The following SH3GL2 variants were observed in gnomAD, a reference collection of about 807,000 sequenced individuals.
SH3GL2 encodes the protein SH3 domain containing GRB2 like 2, endophilin A1, also known as endophilin-A1.
Under a neutral mutation model 46.0 loss-of-function variants are expected in SH3GL2, and 24 were observed. That is an observed-to-expected ratio of 0.52 (90% CI 0.38 to 0.73). The LOEUF (loss-of-function observed/expected upper bound fraction) is 0.73. Ranked by LOEUF, SH3GL2 falls within the 30% of genes least tolerant of loss-of-function variation. The pLI, the probability that SH3GL2 is intolerant of heterozygous loss-of-function variation, is 0.00. For missense variants in SH3GL2, 413 were observed against 424.2 expected (o/e 0.97, Z 0.23); for synonymous variants, 196 against 147.1 (o/e 1.33, Z -2.40).
intron 1 of SH3GL2, among the ~76,000 whole-genome samples, chr9:17,634,524 A>C (rs1184139771): frequency 6.6e-6 from 1 of 151,920 alleles, no homozygotes; most frequent in Non-Finnish European, 1.5e-5. Flanking sequence ...ATAATACCTC[A>C]CTCATTGTCA....
chr9:17,687,086 G>C (rs1820934220), intron 1 of SH3GL2, among the ~76,000 whole-genome samples: 1 of 152,016 alleles, frequency 6.6e-6, no homozygotes, highest in South Asian at 2.1e-4. Flanking sequence ...AAATAAGCTG[G>C]TAATAGTAAG....
At chr9:17,709,733 CT>C (rs1821570040) in intron 1 of SH3GL2, among the ~76,000 whole-genome samples, 1 of 150,266 alleles carries the variant, frequency 6.7e-6, no homozygotes, top group Non-Finnish European at 1.5e-5. Flanking sequence ...TGTATTCTGT[CT>C]CCCCTGTTAC....
At chr9:17,596,756 A>G (rs1818578452) in intron 1 of SH3GL2, among the ~76,000 whole-genome samples, 1 of 152,240 alleles carries the variant, frequency 6.6e-6, no homozygotes, top group Non-Finnish European at 1.5e-5. Flanking sequence ...TATTCTTCTC[A>G]GCAACCCAAA....
chr9:17,696,955 G>A (rs1278138112), intron 1 of SH3GL2, among the ~76,000 whole-genome samples: 3 of 152,070 alleles, frequency 2.0e-5, no homozygotes, highest in African/African-American at 7.2e-5. Context: ...GACTGAACAT[G>A]CAGAAGCCTC....
intron 1 of SH3GL2, among the ~76,000 whole-genome samples, chr9:17,689,820 T>G (rs1228703611): frequency 6.6e-6 from 1 of 152,138 alleles, no homozygotes; most frequent in South Asian, 2.1e-4. Flanking sequence ...AAACTTGTGT[T>G]CTTTGTCTTC....
In SH3GL2 at chr9:17,775,308, C is replaced by G. The variant is rs553931709; in HGVS notation, c.188-11073C>G. ...GATGAAGGGGCAAGTGTATTTTTAGCTGTTGGTTGCCATTTCAACGAAATA... is the reference window on the plus strand; with the variant it reads ...GATGAAGGGGCAAGTGTATTTTTAGGTGTTGGTTGCCATTTCAACGAAATA... On this transcript the variant is annotated intron_variant, in intron 3 of 8. Coordinates refer to ENST00000380607, the MANE Select transcript of SH3GL2 (RefSeq NM_003026.5). Among the ~76,000 whole-genome samples the G allele has an allele frequency of 2.0e-5, 3 of 152,234 alleles. No homozygotes were observed. In the South Asian group the frequency reaches 6.2e-4, roughly 32 times the overall value.
rs1457959044 is a variant in SH3GL2 at position 17,787,384 on chromosome 9, A to G, written c.336A>G (p.Pro112=). 2 of 1,612,812 alleles carry G rather than the reference A, an allele frequency of 1.2e-6. No homozygotes were observed. The highest frequency in any genetic ancestry group is 1.7e-6 in the Non-Finnish European group (2 of 1,179,044). The part of the protein sequence containing the change: ...RELGDDCNFG[P]ALGEVGEAMR... ...AAGAGCTTTATTCTCTCCTAGGCCC[A>G]GCACTTGGTGAGGTCGGGGAGGCCA... The change falls in exon 5 of 9, where the codon CCA becomes CCG. Residue 112 remains proline, a synonymous_variant. Coordinates refer to ENST00000380607, the MANE Select transcript of SH3GL2 (RefSeq NM_003026.5).
At chr9:17,617,358 C>G (rs781064004) in intron 1 of SH3GL2, among the ~76,000 whole-genome samples, 2 of 152,162 alleles carry the variant, frequency 1.3e-5, no homozygotes, top group African/African-American at 4.8e-5. Flanking sequence ...AATTAGATCT[C>G]TATCATTGTT....
At chr9:17,645,632 GT>G (rs1819796787) in intron 1 of SH3GL2, among the ~76,000 whole-genome samples, 1 of 152,096 alleles carries the variant, frequency 6.6e-6, no homozygotes, top group African/African-American at 2.4e-5. Context: ...CATTTATGAA[GT>G]TTAGTTTGGC....
At chr9:17,688,692 C>T (rs949156370) in intron 1 of SH3GL2, among the ~76,000 whole-genome samples, 2 of 151,918 alleles carry the variant, frequency 1.3e-5, no homozygotes, top group African/African-American at 2.4e-5. Context: ...GGGAGTATGT[C>T]AAAGGGATAC....
chr9:17,679,603 A>G (rs1820712807), intron 1 of SH3GL2, among the ~76,000 whole-genome samples: 1 of 152,056 alleles, frequency 6.6e-6, no homozygotes, highest in Non-Finnish European at 1.5e-5. Context: ...CTCTTTTCCT[A>G]ATTGAATACC....
At chr9:17,776,678 T>TTTG (rs1243350820) in intron 3 of SH3GL2, among the ~76,000 whole-genome samples, 5 of 151,942 alleles carry the variant, frequency 3.3e-5, no homozygotes, top group Non-Finnish European at 7.4e-5. Flanking sequence ...CTTTTTTTTT[T>TTTG]TTTAAGCCAA....
At chr9:17,619,643 C>T (rs1186127458) in intron 1 of SH3GL2, among the ~76,000 whole-genome samples, 3 of 151,688 alleles carry the variant, frequency 2.0e-5, no homozygotes, top group African/African-American at 4.9e-5. Flanking sequence ...CACCATTGCG[C>T]TCTAGCCTGG....
At chr9:17,627,224 C>G (rs1002322605) in intron 1 of SH3GL2, among the ~76,000 whole-genome samples, 1 of 152,170 alleles carries the variant, frequency 6.6e-6, no homozygotes, top group Non-Finnish European at 1.5e-5. Context: ...ACCATCCTGT[C>G]CTGTTCCCTG....
chr9:17,673,229 G>A (rs995332363), intron 1 of SH3GL2, among the ~76,000 whole-genome samples: 2 of 151,858 alleles, frequency 1.3e-5, no homozygotes, highest in Non-Finnish European at 2.9e-5. Context: ...GCTCACTGCA[G>A]CCTTGACCTC....
intron 1 of SH3GL2, among the ~76,000 whole-genome samples, chr9:17,686,801 A>T (rs1393342325): frequency 2.2e-4 from 16 of 73,284 alleles, no homozygotes; most frequent in Non-Finnish European, 3.8e-4. Context: ...GGGTGGGGGG[A>T]GGGGGGAGGG....
chr9:17,771,436 C>A (rs1823477830), intron 3 of SH3GL2, among the ~76,000 whole-genome samples: 1 of 152,152 alleles, frequency 6.6e-6, no homozygotes, highest in Non-Finnish European at 1.5e-5. Flanking sequence ...AGATGCTAAC[C>A]CAGCAGTTCC....
intron 1 of SH3GL2, among the ~76,000 whole-genome samples, chr9:17,603,108 C>T (rs932302147): frequency 1.3e-5 from 2 of 152,136 alleles, no homozygotes; most frequent in African/African-American, 2.4e-5. Context: ...GAGAGGTCAC[C>T]TTAATTCCAG....
intron 7 of SH3GL2, among the ~76,000 whole-genome samples, chr9:17,792,793 C>A (rs1428767477): frequency 6.6e-6 from 1 of 152,224 alleles, no homozygotes; most frequent in East Asian, 1.9e-4. Context: ...AACCACACCC[C>A]TGTGTTCCTG....
Sources: gnomAD v4.1 joint callset for allele counts (sites outside exome capture counted in the v4.1 genomes callset) on GRCh38, gnomAD v4.1.1 for gene constraint, MANE v1.5 for transcripts, NCBI Gene and HGNC (gene_info 2026-07-23, HGNC 2026-07-21) for gene names.